Variants in SMYD3 observed in about 807,000 individuals in gnomAD.
The protein encoded by SMYD3 is histone-lysine N-methyltransferase SMYD3.
Under a neutral mutation model 57.7 loss-of-function variants are expected in SMYD3, and 36 were observed. That is an observed-to-expected ratio of 0.62 (90% confidence interval 0.48 to 0.82). SMYD3 has a LOEUF of 0.82. Ranked by LOEUF, SMYD3 falls within the 40% of genes least tolerant of loss-of-function variation. The pLI, the probability that SMYD3 is intolerant of heterozygous loss-of-function variation, is 0.00. For synonymous variants in SMYD3, 211 were observed against 195.0 expected (o/e 1.08, Z -0.68); for missense variants, 515 against 538.8 (o/e 0.96, Z 0.44).
At chr1:246,352,156 A>AAAAC (rs2065841107) in intron 2 of SMYD3, among the ~76,000 whole-genome samples, 2 of 146,124 alleles carry the variant, frequency 1.4e-5, no homozygotes, top group African/African-American at 5.5e-5. Flanking sequence ...AAAAAAAAAA[A>AAAAC]AAAAAAACAT....
At chr1:246,392,807 A>C (rs1572454842) in intron 1 of SMYD3, among the ~76,000 whole-genome samples, 1 of 32,464 alleles carries the variant, frequency 3.1e-5, no homozygotes, top group East Asian at 7.5e-4. Context: ...AAAGAAAAAG[A>C]AAAAAAAAAA....
chr1:245,805,185 G>A (rs2048094551), intron 10 of SMYD3, among the ~76,000 whole-genome samples: 1 of 151,958 alleles, frequency 6.6e-6, no homozygotes, highest in African/African-American at 2.4e-5. Flanking sequence ...TACCACATGT[G>A]TAGATTTAAC....
At chr1:246,086,526 T>G (rs1227220427) in intron 5 of SMYD3, among the ~76,000 whole-genome samples, 1 of 151,748 alleles carries the variant, frequency 6.6e-6, no homozygotes, top group African/African-American at 2.4e-5. Context: ...TACACTTCAC[T>G]TATTAGATTT....
chr1:246,159,692 G>A (rs1408459805), intron 5 of SMYD3, among the ~76,000 whole-genome samples: 1 of 152,216 alleles, frequency 6.6e-6, no homozygotes, highest in Non-Finnish European at 1.5e-5. Context: ...TGGGATAATA[G>A]GTCCAGCTTG....
At chr1:246,057,805 C>G (rs2060178518) in intron 5 of SMYD3, among the ~76,000 whole-genome samples, 1 of 152,214 alleles carries the variant, frequency 6.6e-6, no homozygotes, top group Admixed American at 6.5e-5. Context: ...CATGTGGATA[C>G]TGACAGCAGC....
intron 5 of SMYD3, among the ~76,000 whole-genome samples, chr1:246,022,351 G>A (rs2059486751): frequency 6.6e-6 from 1 of 152,188 alleles, no homozygotes; most frequent in Non-Finnish European, 1.5e-5. Flanking sequence ...GAGGGCCAAT[G>A]TCTATCAATA....
At chr1:246,125,712 T>C (rs1405337562) in intron 5 of SMYD3, among the ~76,000 whole-genome samples, 2 of 151,868 alleles carry the variant, frequency 1.3e-5, no homozygotes, top group African/African-American at 4.8e-5. Context: ...AGAATGGCAA[T>C]GGCAAAAACA....
At chr1:246,166,912 C>T (rs949371283) in intron 5 of SMYD3, among the ~76,000 whole-genome samples, 10 of 152,224 alleles carry the variant, frequency 6.6e-5, no homozygotes, top group African/African-American at 2.4e-4. Flanking sequence ...GAGGAAAACT[C>T]GATACCCACT....
intron 8 of SMYD3, among the ~76,000 whole-genome samples, chr1:245,876,959 C>A (rs2052520693): frequency 6.6e-6 from 1 of 151,902 alleles, no homozygotes; most frequent in Admixed American, 6.6e-5. Flanking sequence ...GAGCCCTCTG[C>A]CTGGCCGGGA....
chr1:246,227,443 GTC>G (rs2063345303), intron 5 of SMYD3, among the ~76,000 whole-genome samples: 1 of 152,128 alleles, frequency 6.6e-6, no homozygotes, highest in South Asian at 2.1e-4. Context: ...GTGAAACCCT[GTC>G]TCTATTAAAA....
At chr1:246,247,561 C>T (rs868317064) in intron 5 of SMYD3, among the ~76,000 whole-genome samples, 88 of 149,888 alleles carry the variant, frequency 5.9e-4, no homozygotes, top group African/African-American at 2.0e-3. Context: ...ATCTCTTGTG[C>T]GTGGGAAACT....
chr1:246,431,789 C>T lies in SMYD3; in HGVS notation c.164+75265G>A, dbSNP rs115146592. On this transcript the variant is annotated intron_variant, in intron 1 of 11. Coordinates refer to ENST00000490107, the MANE Select transcript of SMYD3 (RefSeq NM_001167740.2). ...TTACATATATCTGCTATACAAATTA[C>T]TCTCCATTTCTGCAACAATCTGTTT... Among the ~76,000 whole-genome samples the T allele has an allele frequency of 1.9e-3, 293 of 152,214 alleles. 1 individual carries two copies. The highest frequency in any genetic ancestry group is 6.9e-3 in the African/African-American group (286 of 41,548).
intron 1 of SMYD3, among the ~76,000 whole-genome samples, chr1:246,419,814 C>T (rs1261657920): frequency 6.6e-6 from 1 of 152,218 alleles, no homozygotes; most frequent in Non-Finnish European, 1.5e-5. Context: ...AAACCATCCG[C>T]CCCCCTCACT....
chr1:245,926,034 T>C (rs906971022), intron 7 of SMYD3, among the ~76,000 whole-genome samples: 3 of 152,174 alleles, frequency 2.0e-5, no homozygotes, highest in African/African-American at 7.2e-5. Flanking sequence ...CACCGGCATC[T>C]GGGGAGGGCC....
chr1:246,491,273 C>T (rs1399468916), intron 1 of SMYD3, among the ~76,000 whole-genome samples: 11 of 152,196 alleles, frequency 7.2e-5, no homozygotes, highest in Non-Finnish European at 1.6e-4. Context: ...CGCGGTGGAT[C>T]ACGCCTGTAA....
chr1:246,483,205 A>T (rs901348686), intron 1 of SMYD3, among the ~76,000 whole-genome samples: 2 of 152,250 alleles, frequency 1.3e-5, no homozygotes, highest in Non-Finnish European at 2.9e-5. Context: ...GTATATTTCA[A>T]TTGATGTGCC....
At chr1:245,994,404 G>C (rs901713445) in intron 5 of SMYD3, among the ~76,000 whole-genome samples, 3 of 152,206 alleles carry the variant, frequency 2.0e-5, no homozygotes, top group Non-Finnish European at 4.4e-5. Flanking sequence ...AAGGACACAC[G>C]ATGAGAGGCC....
At chr1:245,955,248 T>C (rs1016945711) in intron 5 of SMYD3, among the ~76,000 whole-genome samples, 29 of 74,608 alleles carry the variant, frequency 3.9e-4, no homozygotes, top group East Asian at 2.0e-3. Context: ...CCCGCCGCCA[T>C]ACCTGGCTAA....
At chr1:246,374,214 GT>G (rs1363531874) in intron 1 of SMYD3, among the ~76,000 whole-genome samples, 2 of 152,180 alleles carry the variant, frequency 1.3e-5, no homozygotes, top group Non-Finnish European at 2.9e-5. Flanking sequence ...ATGTGGCCCG[GT>G]TTTGGCTAAT....
Sources: allele counts gnomAD v4.1 joint callset (sites outside exome capture counted in the v4.1 genomes callset), GRCh38; gene constraint gnomAD v4.1.1; transcripts MANE v1.5; gene names NCBI Gene and HGNC (gene_info 2026-07-23, HGNC 2026-07-21).